The following NSUN2 variants were observed in gnomAD, a reference collection of about 807,000 sequenced individuals.
NSUN2 encodes NOP2/Sun RNA methyltransferase 2.
In NSUN2, 63 loss-of-function variants were observed where a neutral mutation model predicts 92.7. That is an observed-to-expected ratio of 0.68 (90% CI 0.56 to 0.84). NSUN2 has a LOEUF of 0.84. NSUN2 is among the 40% of genes least tolerant of loss of function. NSUN2 has a pLI of 0.00. For synonymous variants in NSUN2, 356 were observed against 348.3 expected, an observed-to-expected ratio of 1.02 and a Z score of -0.25; for missense variants, 989 against 964.9, an observed-to-expected ratio of 1.02 and a Z score of -0.33.
chr5:6,621,639 T>G (rs1308826914), intron 6 of NSUN2: 1 of 159,176 alleles, frequency 6.3e-6, no homozygotes, highest in Admixed American at 6.4e-5. Flanking sequence ...TCCCAGCTAC[T>G]CGAGAGGCTG....
chr5:6,599,916 T>C lies in NSUN2; in HGVS notation c.*10A>G, dbSNP rs1003221891. 5 of 1,610,660 alleles carry C rather than the reference T, an allele frequency of 3.1e-6. No homozygotes were observed. Among genetic ancestry groups the C allele is most frequent in the South Asian group, 2.2e-5 (2 of 91,008 alleles). On this transcript the variant is annotated 3_prime_UTR_variant, in exon 19 of 19. Transcript: ENST00000264670. ...GTGAGGGGTGTGGGCCCCCGCTGCC[T>C]TGGGCCTGCTCACCGGGGTGGATGG... is the stretch of plus-strand genomic sequence containing the variant.
chr5:6,619,043 G>T (rs1737327116), intron 7 of NSUN2, among the ~76,000 whole-genome samples: 1 of 152,090 alleles, frequency 6.6e-6, no homozygotes, highest in South Asian at 2.1e-4. Flanking sequence ...GCAACCTCTT[G>T]CTCATAAGGT....
At position 6,605,330 on chromosome 5, in the gene NSUN2, G is replaced by C; in HGVS notation, c.1680C>G (p.Leu560=). The C allele has an allele frequency of 6.2e-7, 1 of 1,614,198 alleles. No individual in the cohort carries two copies. Among genetic ancestry groups the C allele is most frequent in the Non-Finnish European group, 8.5e-7 (1 of 1,180,038 alleles). The change falls in exon 15 of 19, where the codon CTC becomes CTG. Residue 560 remains leucine, a synonymous_variant. Transcript: ENST00000264670. ...TRTTEGKKRQ[L]YMVSKELRNV... is the part of the protein sequence containing the mutation. The stretch of plus-strand genomic sequence containing the variant: ...TCCGCAACTCCTTAGAAACCATGTA[G>C]AGCTGCCTTTTCTTCCCTTCTGTAG...
At chr5:6,604,925 T>G (rs575083584) in intron 15 of NSUN2, 2 of 601,792 alleles carry the variant, frequency 3.3e-6, no homozygotes, top group African/African-American at 3.7e-5. Flanking sequence ...GGGAAGTACC[T>G]CAAAGGACAA....
chr5:6,625,162 A>C (rs1174724484), intron 4 of NSUN2, among the ~76,000 whole-genome samples: 1 of 152,184 alleles, frequency 6.6e-6, no homozygotes, highest in Non-Finnish European at 1.5e-5. Flanking sequence ...AAAATAAATC[A>C]ATTTTAAAAA....
In NSUN2 at chr5:6,611,448, T is replaced by TAAAAAAAAAAAAAAAAAAAAAAAAAA. The variant is rs760872450; in HGVS notation, c.1095+276_1095+277insTTTTTTTTTTTTTTTTTTTTTTTTTT. Among the ~76,000 whole-genome samples, 9 of 86,066 alleles carry TAAAAAAAAAAAAAAAAAAAAAAAAAA rather than the reference T, an allele frequency of 1.0e-4. 1 individual carries two copies. Among genetic ancestry groups the TAAAAAAAAAAAAAAAAAAAAAAAAAA allele is most frequent in the Admixed American group, 2.8e-4 (2 of 7,054 alleles). 56.5% of individuals were successfully genotyped at this position (86,066 alleles called of 152,430 possible). ...ACAAGGCTTGAATCCCGGCCCAATTTAAAAAAAAAAAAAAAAAGCAAAGCT... is the reference window on the plus strand; with the variant it reads ...ACAAGGCTTGAATCCCGGCCCAATTTAAAAAAAAAAAAAAAAAAAAAAAAAAAAAAAAAAAAAAAAAAAGCAAAGCT... On this transcript the variant is annotated intron_variant, in intron 10 of 18. Transcript: ENST00000264670.
At chr5:6,610,050 A>G in intron 11 of NSUN2, 128 bp from the exon 12 acceptor site, 1 of 608,076 alleles carries the variant, frequency 1.6e-6, no homozygotes, top group Non-Finnish European at 2.7e-6. Context: ...TAGAATGGCC[A>G]ATATGTAAAC....
chr5:6,630,504 C>T (rs920636166), intron 3 of NSUN2, among the ~76,000 whole-genome samples: 7 of 152,046 alleles, frequency 4.6e-5, no homozygotes, highest in African/African-American at 1.7e-4. Context: ...TAGGGTTTCA[C>T]GATGTTGGTC....
At chr5:6,617,438 A>T (rs541053038) in intron 8 of NSUN2, among the ~76,000 whole-genome samples, 1 of 152,346 alleles carries the variant, frequency 6.6e-6, no homozygotes, top group East Asian at 1.9e-4. Context: ...AAAAGTACTT[A>T]AAAAATCCCT....
In NSUN2 at chr5:6,611,016, G is replaced by A. The variant is rs1377452635; in HGVS notation, c.1165C>T (p.Arg389Ter). 4 of 1,614,166 alleles carry A rather than the reference G, an allele frequency of 2.5e-6. No individual in the cohort carries two copies. Among genetic ancestry groups the A allele is most frequent in the African/African-American group, 1.3e-5 (1 of 75,036 alleles). ...TCCTTCGGAGGGAACATGGTAGGTC[G>A]GATCTGGGTGTGTCTGCTGTGAGGA... ...AVPHSRHTQI[R>*]PTMFPPKDPE... The change falls in exon 11 of 19, where the codon CGA becomes TGA. Residue 389 changes from arginine to a stop codon, truncating the protein, a stop_gained. Coordinates refer to ENST00000264670, the MANE Select transcript of NSUN2 (RefSeq NM_017755.6). LOFTEE classifies it high-confidence loss of function.
chr5:6,620,007 AT>A, intron 7 of NSUN2, 98 bp downstream of exon 7: 4 of 1,038,528 alleles, frequency 3.9e-6, no homozygotes, highest in Non-Finnish European at 1.4e-6. Flanking sequence ...CCCAAGACTT[AT>A]GTACAATTGT....
At chr5:6,602,110 C>A (rs1326544424) in intron 18 of NSUN2, among the ~76,000 whole-genome samples, 1 of 152,174 alleles carries the variant, frequency 6.6e-6, no homozygotes, top group Non-Finnish European at 1.5e-5. Context: ...GCTGAACCAG[C>A]CATGAGGACA....
At chr5:6,629,167 A>G (rs962298047) in intron 3 of NSUN2, among the ~76,000 whole-genome samples, 4 of 152,252 alleles carry the variant, frequency 2.6e-5, no homozygotes, top group African/African-American at 9.6e-5. Flanking sequence ...AAACAAAAAC[A>G]TAGCTGGCTG....
intron 6 of NSUN2, 48 bp downstream of exon 6, chr5:6,621,968 C>T: frequency 1.3e-6 from 2 of 1,486,362 alleles, no homozygotes; most frequent in Non-Finnish European, 1.9e-6. Flanking sequence ...TGTCTACAAT[C>T]TGCCAAAGTG....
At position 6,632,829 on chromosome 5, in the gene NSUN2, G is replaced by T. The variant is rs193743; in HGVS notation, c.96+55C>A. 810,817 of 1,558,644 alleles carry T rather than the reference G, an allele frequency of 0.52. 213,046 individuals carry two copies. The highest frequency in any genetic ancestry group is 0.67 in the African/African-American group (49,151 of 73,266). On this transcript the variant is annotated intron_variant, in intron 1 of 18. Coordinates refer to ENST00000264670, the MANE Select transcript of NSUN2 (RefSeq NM_017755.6). ...CTCGCCGCCGCCTCGCAGGCCTCGG[G>T]GTCCGGGAAGCCCAGGAGGAGCCCC...
At chr5:6,623,535 G>C (rs368854580) in intron 4 of NSUN2, among the ~76,000 whole-genome samples, 4 of 152,170 alleles carry the variant, frequency 2.6e-5, no homozygotes, top group African/African-American at 4.8e-5. Context: ...AAAGGGACTT[G>C]AAGCTTACAG....
chr5:6,621,909 A>C, intron 6 of NSUN2, 107 bp downstream of exon 6: 2 of 899,060 alleles, frequency 2.2e-6, no homozygotes, highest in South Asian at 2.9e-5. Flanking sequence ...ACTGCTTGTC[A>C]TAGGAGACTT....
rs191479723 is a variant in NSUN2 at position 6,632,500 on chromosome 5, G to A, written c.254+99C>T. 494 of 1,399,052 alleles carry A rather than the reference G, an allele frequency of 3.5e-4. 6 individuals are homozygous for A. In the East Asian group the frequency reaches 9.2e-3, roughly 26 times the overall value. The allele number at this position is 1,399,052 out of a possible 1,614,324, so 86.7% of individuals were successfully genotyped here. ...GAATCCAAACCGCTGAAACGCCACGGTTCTCTGGCACTGTAACACTTGTCG... is the reference window on the plus strand; with the variant it reads ...GAATCCAAACCGCTGAAACGCCACGATTCTCTGGCACTGTAACACTTGTCG... On this transcript the variant is annotated intron_variant, in intron 2 of 18. Transcript: ENST00000264670.
At chr5:6,605,047 G>T (rs1579355447) in intron 15 of NSUN2, 2 of 630,680 alleles carry the variant, frequency 3.2e-6, no homozygotes, top group Non-Finnish European at 5.5e-6. Context: ...TGCGGGAATG[G>T]GGCACAGAAA....
Sources: gnomAD v4.1 joint callset for allele counts (sites outside exome capture counted in the v4.1 genomes callset) on GRCh38, gnomAD v4.1.1 for gene constraint, MANE v1.5 for transcripts, NCBI Gene and HGNC (gene_info 2026-07-23, HGNC 2026-07-21) for gene names.